Variants in RYR3 observed in about 807,000 individuals in gnomAD.
RYR3 encodes the protein ryanodine receptor 3.
RYR3 carries 207 observed loss-of-function variants against 584.3 expected under a neutral mutation model. The ratio of observed to expected loss-of-function variants is 0.35; its 90% CI spans 0.32 to 0.40. The LOEUF (loss-of-function observed/expected upper bound fraction) is 0.40, where lower values mean the gene tolerates loss of function less well. Among genes scored for constraint, RYR3 ranks in the 10% least tolerant of loss-of-function variants. RYR3 has a pLI of 1.00. For missense variants in RYR3, 5,616 were observed against 6,089.2 expected (o/e 0.92, Z 2.59); for synonymous variants, 2,416 against 2,248.5 (o/e 1.07, Z -2.11).
At chr15:33,715,834 A>G (rs2067452546) in intron 43 of RYR3, among the ~76,000 whole-genome samples, 1 of 152,058 alleles carries the variant, frequency 6.6e-6, no homozygotes, top group Non-Finnish European at 1.5e-5. Context: ...TACTAATCCC[A>G]CTCATGTGGG....
At chr15:33,383,105 G>A (rs1194383623) in intron 1 of RYR3, among the ~76,000 whole-genome samples, 3 of 151,918 alleles carry the variant, frequency 2.0e-5, no homozygotes, top group Admixed American at 1.3e-4. Context: ...TGGAGGCAGG[G>A]AGACTAGGTG....
At chr15:33,862,245 C>T (rs537145611) in intron 102 of RYR3, among the ~76,000 whole-genome samples, 68 of 152,296 alleles carry the variant, frequency 4.5e-4, no homozygotes, top group East Asian at 2.5e-3. Context: ...AGGGTCTCAA[C>T]CCCGTTGCCC....
chr15:33,737,978 G>A (rs192419553), intron 49 of RYR3, among the ~76,000 whole-genome samples: 6 of 152,168 alleles, frequency 3.9e-5, no homozygotes, highest in East Asian at 1.9e-4. Flanking sequence ...AGGAAACAAC[G>A]GGTAGTAATT....
Position 33,554,112 on chromosome 15 carries a change from G to T in RYR3, c.972+3796G>T, listed in dbSNP as rs1348900942. Among the ~76,000 whole-genome samples the T allele has an allele frequency of 3.3e-5, 5 of 152,162 alleles. No homozygotes were observed. The East Asian group carries it at 5.8e-4, about 18-fold the overall frequency. ...GAAAACCTGCTCATGCATTATTAAG[G>T]CCATCACTTCCTTGACTGGGAGGCC... On this transcript the variant is annotated intron_variant, in intron 10 of 103. Coordinates refer to ENST00000634891, the MANE Select transcript of RYR3 (RefSeq NM_001036.6).
intron 43 of RYR3, among the ~76,000 whole-genome samples, chr15:33,713,872 T>A (rs2067298017): frequency 6.6e-6 from 1 of 152,106 alleles, no homozygotes; most frequent in African/African-American, 2.4e-5. Flanking sequence ...ACAAATCCCA[T>A]TCATGAGGGC....
chr15:33,579,320 A>T (rs1312573515), intron 12 of RYR3, among the ~76,000 whole-genome samples: 1 of 152,168 alleles, frequency 6.6e-6, no homozygotes, highest in Non-Finnish European at 1.5e-5. Context: ...GAGAAACGTG[A>T]TGAGAAAAAC....
At chr15:33,758,644 A>T (rs979043132) in intron 60 of RYR3, among the ~76,000 whole-genome samples, 3 of 152,184 alleles carry the variant, frequency 2.0e-5, no homozygotes, top group South Asian at 2.1e-4. Context: ...GGCAGCCCCA[A>T]TCCGGATTGT....
At position 33,342,806 on chromosome 15, in the gene RYR3, A is replaced by C. The variant is rs981322348; in HGVS notation, c.51+31710A>C. Among the ~76,000 whole-genome samples, 10 of 152,154 alleles carry C rather than the reference A, an allele frequency of 6.6e-5. 1 individual carries two copies. The highest frequency in any genetic ancestry group is 6.5e-4 in the Admixed American group (10 of 15,272). On this transcript the variant is annotated intron_variant, in intron 1 of 103. Coordinates refer to ENST00000634891, the MANE Select transcript of RYR3 (RefSeq NM_001036.6). ...GAATCAATCTCAAAACCATTTCCAAAAGAAAAAGACATTTCTTATTAACTC... is the reference window on the plus strand; with the variant it reads ...GAATCAATCTCAAAACCATTTCCAACAGAAAAAGACATTTCTTATTAACTC...
At chr15:33,633,136 G>T in intron 24 of RYR3, 28 bp downstream of exon 24, 1 of 1,607,360 alleles carries the variant, frequency 6.2e-7, no homozygotes, top group South Asian at 1.1e-5. Context: ...AGGCATGCTG[G>T]AAAACTTAGA....
At chr15:33,398,666 A>C (rs1328057782) in intron 1 of RYR3, among the ~76,000 whole-genome samples, 1 of 152,130 alleles carries the variant, frequency 6.6e-6, no homozygotes, top group Non-Finnish European at 1.5e-5. Context: ...TGGAGGGTGG[A>C]GCTTTGGTCT....
At chr15:33,794,545 A>C (rs1730476530) in intron 67 of RYR3, among the ~76,000 whole-genome samples, 1 of 151,818 alleles carries the variant, frequency 6.6e-6, no homozygotes, top group African/African-American at 2.4e-5. Context: ...TTGCTCCTGG[A>C]ATAGCTCTTT....
In RYR3 at chr15:33,662,443, G is replaced by C. The variant is rs777041071; in HGVS notation, c.4913G>C (p.Arg1638Thr). ...EYIIPITSTTRNIRLFPDESK... is the reference protein window; with the variant it reads ...EYIIPITSTTTNIRLFPDESK... ...ATCATCCCCATTACCAGCACCACCA[G>C]GAATATCCGCCTCTTCCCGGACGAG... The change falls in exon 35 of 104, where the codon AGG (arginine) becomes ACG (threonine). Residue 1638 changes from arginine (R) to threonine (T), a missense_variant. Around this residue, in one of 9 missense-constraint regions of RYR3, gnomAD observed 753 missense variants for 741.0 expected, o/e 1.02. Coordinates refer to ENST00000634891, the MANE Select transcript of RYR3 (RefSeq NM_001036.6). 6.2e-7 allele frequency: 1 copy of C among 1,614,044 alleles called. No homozygotes were observed. Among genetic ancestry groups the C allele is most frequent in the Non-Finnish European group, 8.5e-7 (1 of 1,179,896 alleles).
intron 38 of RYR3, among the ~76,000 whole-genome samples, chr15:33,693,572 T>C (rs2065607867): frequency 6.6e-6 from 1 of 152,216 alleles, no homozygotes; most frequent in Non-Finnish European, 1.5e-5. Context: ...GGAGCTAGAA[T>C]TTAAATGGAA....
chr15:33,608,827 T>C (rs369048215), intron 18 of RYR3, among the ~76,000 whole-genome samples: 1 of 152,236 alleles, frequency 6.6e-6, no homozygotes, highest in African/African-American at 2.4e-5. Flanking sequence ...GACAGTGTCT[T>C]TCACCACGAG....
At chr15:33,397,856 C>A (rs2042390387) in intron 1 of RYR3, among the ~76,000 whole-genome samples, 1 of 152,154 alleles carries the variant, frequency 6.6e-6, no homozygotes, top group Middle Eastern at 3.4e-3. Context: ...GTTGTTGTGT[C>A]TAAACCACAG....
chr15:33,520,170 G>A (rs755190353), intron 3 of RYR3, among the ~76,000 whole-genome samples: 49 of 152,144 alleles, frequency 3.2e-4, no homozygotes, highest in Non-Finnish European at 6.2e-4. Context: ...TGTGGGTAAA[G>A]GTGTTACACA....
In RYR3 at chr15:33,635,763, C is replaced by T; in HGVS notation, c.3325C>T (p.Arg1109Ter). Residue 1109 changes from arginine to a stop codon, truncating the protein, a stop_gained, in exon 26 of 104, where the codon CGA (arginine) becomes TGA (stop). Transcript: ENST00000634891. LOFTEE classifies it high-confidence loss of function. Reference sequence around the variant, plus strand: ...AGTCGGCTGGGCGAGGCCAGGCTGTCGACCTGATGTCGAGCTGGGGGCCGA... The same window carrying T: ...AGTCGGCTGGGCGAGGCCAGGCTGTTGACCTGATGTCGAGCTGGGGGCCGA... ...MRVGWARPGC[R>*]PDVELGADDQ... is the part of the protein sequence containing the mutation. 1 of 1,613,766 alleles carries T rather than the reference C, an allele frequency of 6.2e-7. No homozygotes were observed. Among genetic ancestry groups the T allele is most frequent in the Non-Finnish European group, 8.5e-7 (1 of 1,179,844 alleles).
At chr15:33,488,580 A>G (rs543350343) in intron 2 of RYR3, among the ~76,000 whole-genome samples, 43 of 152,070 alleles carry the variant, frequency 2.8e-4, no homozygotes, top group East Asian at 1.9e-3. Context: ...ATGGCCGGGC[A>G]TGGTGGCTGA....
At chr15:33,718,066 G>T (rs1332722742) in intron 43 of RYR3, among the ~76,000 whole-genome samples, 1 of 152,160 alleles carries the variant, frequency 6.6e-6, no homozygotes, top group Non-Finnish European at 1.5e-5. Flanking sequence ...AGAGGTGTTG[G>T]ATCCTGGCCA....
Sources: gnomAD v4.1 joint callset for allele counts (sites outside exome capture counted in the v4.1 genomes callset) on GRCh38, gnomAD v4.1.1 for gene constraint, gnomAD v4.1.1 regional missense constraint, MANE v1.5 for transcripts, NCBI Gene and HGNC (gene_info 2026-07-23, HGNC 2026-07-21) for gene names.